The following CCDC88C variants were observed in gnomAD, a reference collection of about 807,000 sequenced individuals.
CCDC88C encodes the protein protein Daple.
CCDC88C carries 131 observed loss-of-function variants against 198.8 expected under a neutral mutation model. The ratio of observed to expected loss-of-function variants is 0.66; its 90% CI spans 0.57 to 0.76. The LOEUF is 0.76. Among genes scored for constraint, CCDC88C ranks in the 30% least tolerant of loss-of-function variants. The probability of loss-of-function intolerance (pLI) is 0.00; values close to 1 mark genes in which losing one functional copy is unlikely to be tolerated. For synonymous variants in CCDC88C, 1,166 were observed against 1,114.7 expected, an observed-to-expected ratio of 1.05 and a Z score of -0.92; for missense variants, 2,553 against 2,631.6, an observed-to-expected ratio of 0.97 and a Z score of 0.65.
intron 1 of CCDC88C, chr14:91,417,156 C>T (rs1326049386): frequency 2.8e-6 from 2 of 703,062 alleles, no homozygotes; most frequent in South Asian, 1.5e-5. Flanking sequence ...AATCAGTGCG[C>T]CCACCCCAGT....
At chr14:91,311,944 G>A (rs1891847216) in intron 15 of CCDC88C, among the ~76,000 whole-genome samples, 1 of 149,958 alleles carries the variant, frequency 6.7e-6, no homozygotes, top group Non-Finnish European at 1.5e-5. Flanking sequence ...TAGGAAAAAA[G>A]GTAATAAAAT....
chr14:91,366,731 A>T (rs1596118357), intron 3 of CCDC88C, among the ~76,000 whole-genome samples: 1 of 152,198 alleles, frequency 6.6e-6, no homozygotes, highest in Non-Finnish European at 1.5e-5. Context: ...GGAGCACCCA[A>T]GGGGTCTGTA....
intron 4 of CCDC88C, among the ~76,000 whole-genome samples, chr14:91,355,490 C>A (rs967963353): frequency 1.3e-5 from 2 of 152,150 alleles, no homozygotes; most frequent in Non-Finnish European, 2.9e-5. Flanking sequence ...ACAGACCCTC[C>A]CCTCCCCGGG....
rs767646346 is a variant in CCDC88C, at chr14:91,325,628, A to C, written c.1197+282T>G. On this transcript the variant is annotated intron_variant, in intron 11 of 29. Transcript: ENST00000389857. This position sits in a 1 kb window ranked among gnomAD's most constrained non-coding sequence, Gnocchi z 4.1. ...GTCTTGCTCTATCACCCAGGCTGGA[A>C]TGCAATGGTGTGATCACGGCTCACT... Among the ~76,000 whole-genome samples the C allele has an allele frequency of 6.6e-6, 1 of 152,002 alleles. No individual in the cohort carries two copies. The highest frequency in any genetic ancestry group is 1.5e-5 in the Non-Finnish European group (1 of 67,996).
At chr14:91,386,474 TAAAC>T (rs1567114512) in intron 3 of CCDC88C, among the ~76,000 whole-genome samples, 2 of 151,684 alleles carry the variant, frequency 1.3e-5, no homozygotes, top group African/African-American at 4.9e-5. Context: ...AATAAATAAA[TAAAC>T]AAATAAACAG....
At chr14:91,345,814 G>A (rs181827802) in intron 4 of CCDC88C, among the ~76,000 whole-genome samples, 3 of 152,034 alleles carry the variant, frequency 2.0e-5, no homozygotes, top group East Asian at 1.9e-4. Flanking sequence ...GCGCCTAGAC[G>A]ATGGGCTTGG....
chr14:91,303,816 G>C lies in CCDC88C; in HGVS notation c.3520C>G (p.Leu1174Val), dbSNP rs755883130. ...YEALLQDHEH[L>V]GTLHERQSAE... Reference sequence around the variant, plus strand: ...GATTGCCGCTCGTGCAGCGTGCCCAGGTGCTCGTGGTCCTGCAGCAGGGCC... The same window carrying C: ...GATTGCCGCTCGTGCAGCGTGCCCACGTGCTCGTGGTCCTGCAGCAGGGCC... Residue 1174 changes from leucine (L) to valine (V), a missense_variant, in exon 20 of 30, where the codon CTG becomes GTG. This residue lies in a region of CCDC88C where 1,293 missense variants were observed against 1,219.6 expected (regional missense o/e 1.06). Transcript: ENST00000389857. 2 of 1,613,370 alleles carry C rather than the reference G, an allele frequency of 1.2e-6. No individual in the cohort carries two copies. The highest frequency in any genetic ancestry group is 1.7e-6 in the Non-Finnish European group (2 of 1,179,912).
At chr14:91,373,133 C>T (rs184303494) in intron 3 of CCDC88C, among the ~76,000 whole-genome samples, 3 of 152,262 alleles carry the variant, frequency 2.0e-5, no homozygotes, top group Non-Finnish European at 2.9e-5. Flanking sequence ...ATGCACAAAC[C>T]GTCCCCAGCC....
chr14:91,315,628 C>T lies in CCDC88C; in HGVS notation c.1665+22G>A, dbSNP rs374776109. 5.6e-5 allele frequency: 90 copies of T among 1,613,408 alleles called. No individual in the cohort carries two copies. In the African/African-American group the frequency reaches 6.0e-4, roughly 11 times the overall value. On this transcript the variant is annotated intron_variant, in intron 14 of 29. Coordinates refer to ENST00000389857, the MANE Select transcript of CCDC88C (RefSeq NM_001080414.4). The stretch of plus-strand genomic sequence containing the variant: ...TTGCAGGCAGGGGTTCTAGGAGAGG[C>T]GTTAGTGGTGGAGGCACCTACCTGC...
intron 3 of CCDC88C, among the ~76,000 whole-genome samples, chr14:91,366,678 G>C (rs1341977965): frequency 6.6e-6 from 1 of 152,170 alleles, no homozygotes; most frequent in Non-Finnish European, 1.5e-5. Flanking sequence ...CTTCTCATCA[G>C]GAGAAGCCAA....
At chr14:91,401,393 G>A (rs1010963372) in intron 3 of CCDC88C, among the ~76,000 whole-genome samples, 15 of 147,268 alleles carry the variant, frequency 1.0e-4, no homozygotes, top group Non-Finnish European at 2.1e-4. Flanking sequence ...GGAGTGTAGC[G>A]GCACGATCTT....
chr14:91,335,449 C>T (rs951895777), intron 10 of CCDC88C, among the ~76,000 whole-genome samples: 22 of 152,080 alleles, frequency 1.4e-4, no homozygotes, highest in African/African-American at 4.8e-4. Context: ...GCTTCCAGGC[C>T]TTTGCTCCTG....
chr14:91,374,906 A>G (rs756070856), intron 3 of CCDC88C, among the ~76,000 whole-genome samples: 1 of 152,172 alleles, frequency 6.6e-6, no homozygotes, highest in Non-Finnish European at 1.5e-5. Context: ...GAGGGCCAAG[A>G]TCGGTCAATG....
chr14:91,299,296 A>C (rs1436231897), intron 21 of CCDC88C, among the ~76,000 whole-genome samples: 1 of 152,176 alleles, frequency 6.6e-6, no homozygotes, highest in African/African-American at 2.4e-5. Context: ...ATGAAACAGC[A>C]CTTCAGTACT....
chr14:91,380,960 T>A (rs1884752853), intron 3 of CCDC88C, among the ~76,000 whole-genome samples: 1 of 152,200 alleles, frequency 6.6e-6, no homozygotes, highest in Non-Finnish European at 1.5e-5. Context: ...GGTAAGGGTG[T>A]AATAGCATTG....
At position 91,313,713 on chromosome 14, in the gene CCDC88C, C is replaced by A. The variant is rs1248126406; in HGVS notation, c.2103G>T (p.Gln701His). ...GCAGCTCCAGGTTCTCTGCGTCCAG[C>A]TGCTTGTTGTCACGCTCCAGGCCCT... is the stretch of plus-strand genomic sequence containing the variant. ...QLEGLERDNK[Q>H]LDAENLELRR... Residue 701 changes from glutamine (Q) to histidine (H), a missense_variant, in exon 15 of 30, where the codon CAG (glutamine) becomes CAT (histidine). Gln to His is a conservative substitution (Grantham distance 24, BLOSUM62 0). This residue lies in a region of CCDC88C where 1,260 missense variants were observed against 1,412.0 expected (regional missense o/e 0.89). Transcript: ENST00000389857. This position sits in a 1 kb window ranked among gnomAD's most constrained non-coding sequence, Gnocchi z 5.2. 1 of 1,610,832 alleles carries A rather than the reference C, an allele frequency of 6.2e-7. No homozygotes were observed. Among genetic ancestry groups the A allele is most frequent in the Middle Eastern group, 1.6e-4 (1 of 6,062 alleles).
rs78763440 is a variant in CCDC88C at position 91,380,016 on chromosome 14, C to T, written c.271-20305G>A. 3.2e-3 allele frequency: 2,052 copies of T among 645,018 alleles called. 37 individuals are homozygous for T. The African/African-American group carries it at 0.034, about 11-fold the overall frequency. 40.0% of individuals were successfully genotyped at this position (645,018 alleles called of 1,614,324 possible). ...GAGCCCACCGTGAGAACCAACTCCA[C>T]GCTGAAGGTCCTTTCTCCTTACAGG... On this transcript the variant is annotated intron_variant, in intron 3 of 29. Transcript: ENST00000389857.
chr14:91,298,453 A>T (rs1216204289), intron 21 of CCDC88C, among the ~76,000 whole-genome samples: 1 of 151,594 alleles, frequency 6.6e-6, no homozygotes, highest in Non-Finnish European at 1.5e-5. Context: ...AGGATCACTT[A>T]GGCCCAGGGA....
At chr14:91,337,529 CAG>C (rs1213421851) in intron 10 of CCDC88C, among the ~76,000 whole-genome samples, 15 of 152,162 alleles carry the variant, frequency 9.9e-5, no homozygotes, top group African/African-American at 3.6e-4. Flanking sequence ...TTTGTAGAGA[CAG>C]AGTCTTGCTA....
Sources: gnomAD v4.1 joint callset for allele counts (sites outside exome capture counted in the v4.1 genomes callset) on GRCh38, gnomAD v4.1.1 for gene constraint, gnomAD v4.1.1 regional missense constraint, Gnocchi (gnomAD v3.1) non-coding constraint, MANE v1.5 for transcripts, NCBI Gene and HGNC (gene_info 2026-07-23, HGNC 2026-07-21) for gene names.